The following KIF15 variants were observed in gnomAD, a reference collection of about 807,000 sequenced individuals.
KIF15 encodes the protein kinesin family member 15, also known as kinesin-like protein KIF15.
Under a neutral mutation model 190.6 loss-of-function variants are expected in KIF15, and 140 were observed. That is an observed-to-expected ratio of 0.73 (90% confidence interval 0.64 to 0.84). KIF15 has a LOEUF of 0.84. Ranked by LOEUF, KIF15 falls within the 40% of genes least tolerant of loss-of-function variation. The pLI, the probability that KIF15 is intolerant of heterozygous loss-of-function variation, is 0.00. For synonymous variants in KIF15, 528 were observed against 551.3 expected, an observed-to-expected ratio of 0.96 and a Z score of 0.59; for missense variants, 1,372 against 1,584.4, an observed-to-expected ratio of 0.87 and a Z score of 2.28.
At chr3:44,867,609 G>A (rs948415681) in intron 6 of KIF15, among the ~76,000 whole-genome samples, 2 of 152,222 alleles carry the variant, frequency 1.3e-5, no homozygotes, top group Non-Finnish European at 2.9e-5. Flanking sequence ...TGGTGTTGAC[G>A]TGGAACCCTA....
intron 7 of KIF15, among the ~76,000 whole-genome samples, chr3:44,787,383 A>G (rs1206754817): frequency 1.3e-5 from 2 of 152,122 alleles, no homozygotes; most frequent in South Asian, 2.1e-4. Context: ...TTAGCTTTCT[A>G]TGACTTTTAA....
In KIF15 at chr3:44,805,149, G is replaced by T. The variant is rs1382322944; in HGVS notation, c.1810G>T (p.Glu604Ter). Residue 604 changes from glutamate (E) to a stop codon, truncating the protein, a stop_gained, in exon 15 of 35, where the codon GAA becomes TAA. Transcript: ENST00000326047. LOFTEE classifies it high-confidence loss of function. The part of the protein sequence containing the change: ...ELNNSKQEYE[E>*]FKELTRKRQL... Reference sequence around the variant, plus strand: ...GAATAATTCAAAGCAAGAATATGAAGAATTCAAAGAACTTACTAGGTAAAG... The same window carrying T: ...GAATAATTCAAAGCAAGAATATGAATAATTCAAAGAACTTACTAGGTAAAG... The T allele has an allele frequency of 6.2e-7, 1 of 1,611,194 alleles. No homozygotes were observed. The highest frequency in any genetic ancestry group is 1.7e-5 in the Admixed American group (1 of 59,500).
At chr3:44,830,846 T>C in intron 25 of KIF15, 50 bp from the exon 26 acceptor site, 1 of 1,576,598 alleles carries the variant, frequency 6.3e-7, no homozygotes. Context: ...TATTTTAATC[T>C]AGAAACAGGA....
intron 1 of KIF15, among the ~76,000 whole-genome samples, chr3:44,772,650 C>CTGACTTCCAAACTTTACCAAAGG (rs1383388815): frequency 1.3e-5 from 2 of 152,198 alleles, no homozygotes; most frequent in Admixed American, 1.3e-4. Context: ...GCCAGTATTT[C>CTGACTTCCAAACTTTACCAAAGG]TGACTTCCAA....
chr3:44,817,965 G>A (rs1708100724), intron 20 of KIF15, among the ~76,000 whole-genome samples: 1 of 152,300 alleles, frequency 6.6e-6, no homozygotes, highest in African/African-American at 2.4e-5. Flanking sequence ...CACATCCCTT[G>A]TAAGTTGGAT....
chr3:44,808,997 C>T (rs1228001431), intron 16 of KIF15, among the ~76,000 whole-genome samples: 3 of 152,096 alleles, frequency 2.0e-5, no homozygotes, highest in East Asian at 1.9e-4. Flanking sequence ...GGGTGGATTC[C>T]GTTAAAGGAG....
intron 1 of KIF15, among the ~76,000 whole-genome samples, chr3:44,773,064 C>A (rs1434746587): frequency 6.6e-6 from 1 of 151,812 alleles, no homozygotes; most frequent in East Asian, 1.9e-4. Context: ...CCTCACAAAT[C>A]CTTTTTCATA....
intron 16 of KIF15, among the ~76,000 whole-genome samples, chr3:44,807,942 T>G (rs1402826629): frequency 6.6e-6 from 1 of 151,896 alleles, no homozygotes; most frequent in Non-Finnish European, 1.5e-5. Flanking sequence ...TTATTTTTGG[T>G]TTTGTTTTTT....
intron 20 of KIF15, among the ~76,000 whole-genome samples, chr3:44,821,891 G>C (rs1188981964): frequency 1.3e-5 from 2 of 152,266 alleles, no homozygotes; most frequent in Non-Finnish European, 2.9e-5. Flanking sequence ...GGAGGCCGAG[G>C]CTGGCGGATC....
chr3:44,851,615 A>G (rs1439530581), intron 32 of KIF15, among the ~76,000 whole-genome samples, 172 bp from the exon 33 acceptor site: 1 of 152,248 alleles, frequency 6.6e-6, no homozygotes, highest in Non-Finnish European at 1.5e-5. Context: ...CAAAAAAAGC[A>G]TATCTGGTAT....
At chr3:44,837,439 A>G (rs1191675131) in intron 26 of KIF15, among the ~76,000 whole-genome samples, 1 of 152,224 alleles carries the variant, frequency 6.6e-6, no homozygotes. Flanking sequence ...GATAGATTAA[A>G]TTGTGGTACA....
At chr3:44,861,816 C>A in intron 6 of KIF15, 1 of 1,265,492 alleles carries the variant, frequency 7.9e-7, no homozygotes, top group Non-Finnish European at 1.1e-6. Flanking sequence ...AAGGGGCCTG[C>A]CGGAGCGTGG....
intron 8 of KIF15, among the ~76,000 whole-genome samples, chr3:44,797,030 TTTTG>T (rs1428895084): frequency 6.6e-6 from 1 of 152,144 alleles, no homozygotes; most frequent in African/African-American, 2.4e-5. Flanking sequence ...GTTTGTCTTT[TTTTG>T]TTGTTGTTTT....
In KIF15 at chr3:44,794,215, A is replaced by G. The variant is rs199681993; in HGVS notation, c.640-2A>G. The G allele has an allele frequency of 4.0e-5, 64 of 1,610,612 alleles. No homozygotes were observed. The highest frequency in any genetic ancestry group is 1.7e-6 in the Non-Finnish European group (2 of 1,178,224). ...CTTTTAATATGTTTTCCTTTTGCAT[A>G]GGTGTTGTCTGGAGGATGGAGGAAT... On this transcript the variant is annotated splice_acceptor_variant, in intron 7 of 34. Transcript: ENST00000326047. LOFTEE classifies it high-confidence loss of function.
intron 26 of KIF15, among the ~76,000 whole-genome samples, chr3:44,833,501 G>A (rs1053770882): frequency 3.3e-5 from 5 of 151,910 alleles, no homozygotes; most frequent in African/African-American, 9.7e-5. Flanking sequence ...ATTCTCATAA[G>A]GAGTGCCCAA....
intron 20 of KIF15, among the ~76,000 whole-genome samples, chr3:44,821,373 G>A (rs1004714846): frequency 2.6e-5 from 4 of 151,790 alleles, no homozygotes; most frequent in East Asian, 3.9e-4. Flanking sequence ...CAGACGGGGC[G>A]GCTTCCGGGC....
chr3:44,861,822 C>G, intron 6 of KIF15: 1 of 1,283,974 alleles, frequency 7.8e-7, no homozygotes, highest in Admixed American at 2.2e-5. Flanking sequence ...CCTGCCGGAG[C>G]GTGGCGTCAC....
rs1338174425 is a variant in KIF15, at chr3:44,840,959, C to G, written c.3421-115C>G. 7 of 1,001,996 alleles carry G rather than the reference C, an allele frequency of 7.0e-6. No homozygotes were observed. In the East Asian group the frequency reaches 1.8e-4, roughly 26 times the overall value. 62.1% of individuals were successfully genotyped at this position (1,001,996 alleles called of 1,614,324 possible). On this transcript the variant is annotated intron_variant, in intron 28 of 34. Transcript: ENST00000326047. Reference sequence around the variant, plus strand: ...AAAGTGCTAGGATTACAGGTGTGAGCCACCATGCCCAGCCGTAGCTAGAAT... The same window carrying G: ...AAAGTGCTAGGATTACAGGTGTGAGGCACCATGCCCAGCCGTAGCTAGAAT...
At chr3:44,857,005 T>C (rs1207612652), downstream of KIF15, among the ~76,000 whole-genome samples, 1 of 152,184 alleles carries the variant, frequency 6.6e-6, no homozygotes, top group Non-Finnish European at 1.5e-5. Flanking sequence ...TACTACAGCA[T>C]AGCCTGTTTT....
Sources: allele counts gnomAD v4.1 joint callset (sites outside exome capture counted in the v4.1 genomes callset), GRCh38; gene constraint gnomAD v4.1.1; transcripts MANE v1.5; gene names NCBI Gene and HGNC (gene_info 2026-07-23, HGNC 2026-07-21).